LEKR1: variants seen among roughly 807,000 people sequenced by gnomAD.
LEKR1 encodes protein LEKR1.
A neutral mutation model predicts 72.4 loss-of-function variants in LEKR1; 59 were observed. The observed-to-expected ratio is 0.82, with a 90% CI of 0.66 to 1.01. The LOEUF is 1.01. Ranked by LOEUF, LEKR1 falls within the 50% of genes least tolerant of loss-of-function variation. The pLI is 0.00. For missense variants in LEKR1, 728 were observed against 759.2 expected (o/e 0.96, Z 0.48); for synonymous variants, 257 against 263.2 (o/e 0.98, Z 0.23).
intron 3 of LEKR1, among the ~76,000 whole-genome samples, chr3:156,917,886 T>G (rs1723799243): frequency 6.6e-6 from 1 of 152,026 alleles, no homozygotes; most frequent in African/African-American, 2.4e-5. Context: ...AACCAGAGCA[T>G]AAACCAGACT....
intron 6 of LEKR1, among the ~76,000 whole-genome samples, chr3:156,975,084 C>T (rs553333642): frequency 6.6e-6 from 1 of 152,272 alleles, no homozygotes; most frequent in South Asian, 2.1e-4. Flanking sequence ...ATTATCAGAA[C>T]AGTCCTGTAT....
At chr3:156,854,926 CAT>C (rs771659824) in intron 3 of LEKR1, among the ~76,000 whole-genome samples, 3 of 152,078 alleles carry the variant, frequency 2.0e-5, no homozygotes, top group South Asian at 2.1e-4. Flanking sequence ...GTATATCAAA[CAT>C]ATTGTTGTGC....
At chr3:156,939,341 C>T (rs886657153) in intron 5 of LEKR1, among the ~76,000 whole-genome samples, 4 of 152,208 alleles carry the variant, frequency 2.6e-5, no homozygotes, top group Admixed American at 2.0e-4. Flanking sequence ...ATCCTTCCTT[C>T]ACTGTCGGAG....
chr3:156,938,286 T>G (rs570866201), intron 5 of LEKR1, among the ~76,000 whole-genome samples: 1 of 152,242 alleles, frequency 6.6e-6, no homozygotes, highest in African/African-American at 2.4e-5. Context: ...TGAGGTGGTG[T>G]TAAGTTTGAA....
chr3:156,918,935 G>A (rs115004645), intron 3 of LEKR1, among the ~76,000 whole-genome samples: 9,839 of 152,128 alleles, frequency 0.065, 359 homozygotes, highest in South Asian at 0.12. Context: ...TGCGAGGTAC[G>A]GCCTCATCGG....
intron 3 of LEKR1, among the ~76,000 whole-genome samples, chr3:156,888,875 T>C (rs942932729): frequency 3.3e-5 from 5 of 152,210 alleles, no homozygotes; most frequent in African/African-American, 1.2e-4. Flanking sequence ...AAACAAAACA[T>C]ACTTTGTTAA....
chr3:157,043,675 C>T (rs1201721307), intron 12 of LEKR1, among the ~76,000 whole-genome samples: 1 of 152,164 alleles, frequency 6.6e-6, no homozygotes, highest in African/African-American at 2.4e-5. Context: ...TAAGATGACA[C>T]CTAACATGGT....
intron 6 of LEKR1, among the ~76,000 whole-genome samples, chr3:156,948,082 C>T (rs1726836099): frequency 1.3e-5 from 2 of 150,994 alleles, no homozygotes; most frequent in African/African-American, 2.4e-5. Context: ...TATTTATAAA[C>T]TAAGTTTTAG....
intron 3 of LEKR1, among the ~76,000 whole-genome samples, chr3:156,911,775 C>CT (rs1254798359): frequency 2.0e-5 from 3 of 151,600 alleles, no homozygotes; most frequent in Admixed American, 6.6e-5. Context: ...TTCCCAATTG[C>CT]TTTTTTTTGT....
At chr3:156,941,231 G>T (rs1726171389) in intron 5 of LEKR1, among the ~76,000 whole-genome samples, 1 of 151,876 alleles carries the variant, frequency 6.6e-6, no homozygotes, top group African/African-American at 2.4e-5. Flanking sequence ...TTTCCATTTT[G>T]AGCAGAAACT....
At chr3:156,871,378 C>T (rs1717930405) in intron 3 of LEKR1, among the ~76,000 whole-genome samples, 1 of 152,096 alleles carries the variant, frequency 6.6e-6, no homozygotes, top group Non-Finnish European at 1.5e-5. Flanking sequence ...TGGCTTTGTT[C>T]CAAGTCTTTG....
At chr3:156,870,246 T>G (rs527802816) in intron 3 of LEKR1, among the ~76,000 whole-genome samples, 78 of 152,206 alleles carry the variant, frequency 5.1e-4, no homozygotes, top group Non-Finnish European at 8.5e-4. Flanking sequence ...AAAATGACAT[T>G]GATATTTGAA....
intron 10 of LEKR1, among the ~76,000 whole-genome samples, chr3:157,019,600 T>A (rs570137337): frequency 2.6e-5 from 4 of 152,346 alleles, no homozygotes; most frequent in African/African-American, 9.6e-5. Flanking sequence ...ATTTTCTTCT[T>A]ATCAAAATTA....
chr3:156,888,127 T>C (rs998021350), intron 3 of LEKR1, among the ~76,000 whole-genome samples: 33 of 152,148 alleles, frequency 2.2e-4, no homozygotes, highest in African/African-American at 7.2e-4. Context: ...CACTATCCAG[T>C]TGAATGTGAT....
intron 3 of LEKR1, among the ~76,000 whole-genome samples, chr3:156,861,047 G>A (rs1716707494): frequency 6.6e-6 from 1 of 152,136 alleles, no homozygotes; most frequent in African/African-American, 2.4e-5. Context: ...AGAGGAGTCT[G>A]AGGCATTGGC....
At chr3:156,919,230 T>G (rs1159356055) in intron 3 of LEKR1, among the ~76,000 whole-genome samples, 1 of 152,218 alleles carries the variant, frequency 6.6e-6, no homozygotes, top group African/African-American at 2.4e-5. Context: ...CTTTCATTGC[T>G]TTTCCCCCCA....
chr3:156,837,417 G>C, intron 2 of LEKR1, among the ~76,000 whole-genome samples: 1 of 152,336 alleles, frequency 6.6e-6, no homozygotes. Flanking sequence ...GAGACTGAGA[G>C]TGTACCTCCA....
chr3:156,872,733 C>T (rs940873987), intron 3 of LEKR1, among the ~76,000 whole-genome samples: 33 of 151,680 alleles, frequency 2.2e-4, no homozygotes, highest in African/African-American at 7.3e-4. Flanking sequence ...GTTTAATTTC[C>T]ATGTATTTGT....
chr3:156,881,477 A>G (rs917169657), intron 3 of LEKR1, among the ~76,000 whole-genome samples: 8 of 152,148 alleles, frequency 5.3e-5, no homozygotes, highest in Admixed American at 5.2e-4. Flanking sequence ...AGAACTACAA[A>G]CCACTGTTCA....
Sources: gnomAD v4.1 joint callset for allele counts (sites outside exome capture counted in the v4.1 genomes callset) on GRCh38, gnomAD v4.1.1 for gene constraint, MANE v1.5 for transcripts, NCBI Gene and HGNC (gene_info 2026-07-23, HGNC 2026-07-21) for gene names.